The following PACRG variants were observed in gnomAD, a reference collection of about 807,000 sequenced individuals.
PACRG encodes the protein parkin coregulated gene protein.
In PACRG, 29 loss-of-function variants were observed where a neutral mutation model predicts 29.7. That is an observed-to-expected ratio of 0.98 (90% CI 0.73 to 1.33). The LOEUF (loss-of-function observed/expected upper bound fraction) is 1.33, where lower values mean the gene tolerates loss of function less well. Ranked by LOEUF, PACRG falls within the 40% of genes most tolerant of loss-of-function variation. The pLI is 0.00. For missense variants in PACRG, 279 were observed against 316.2 expected, an observed-to-expected ratio of 0.88 and a Z score of 0.89; for synonymous variants, 116 against 118.7, an observed-to-expected ratio of 0.98 and a Z score of 0.15.
intron 4 of PACRG, among the ~76,000 whole-genome samples, chr6:163,309,109 T>C (rs553787007): frequency 7.5e-4 from 115 of 152,356 alleles, no homozygotes; most frequent in South Asian, 2.7e-3. Flanking sequence ...AGGCGATTTC[T>C]GCAGTCGGCT....
At chr6:162,868,659 AG>A (rs1190609915) in intron 2 of PACRG, among the ~76,000 whole-genome samples, 3 of 152,080 alleles carry the variant, frequency 2.0e-5, no homozygotes, top group Admixed American at 6.5e-5. Flanking sequence ...GCCAGAGCAC[AG>A]CCTCCTTTCC....
intron 3 of PACRG, among the ~76,000 whole-genome samples, chr6:163,087,385 G>T (rs1813666999): frequency 6.6e-6 from 1 of 150,868 alleles, no homozygotes; most frequent in Non-Finnish European, 1.5e-5. Flanking sequence ...TGGAGACTGG[G>T]ACTGGAAGAG....
chr6:163,014,208 A>G (rs114059063), intron 2 of PACRG, among the ~76,000 whole-genome samples: 1 of 152,288 alleles, frequency 6.6e-6, no homozygotes, highest in African/African-American at 2.4e-5. Context: ...ATGGCTGCAA[A>G]GTAGTCTATG....
intron 4 of PACRG, among the ~76,000 whole-genome samples, chr6:163,292,467 T>C (rs1415371644): frequency 1.3e-5 from 2 of 152,256 alleles, no homozygotes; most frequent in Non-Finnish European, 2.9e-5. Flanking sequence ...AATGGCACGA[T>C]CTCGGCTCAC....
At chr6:162,888,342 C>T (rs1422751688) in intron 2 of PACRG, among the ~76,000 whole-genome samples, 1 of 152,134 alleles carries the variant, frequency 6.6e-6, no homozygotes, top group Non-Finnish European at 1.5e-5. Flanking sequence ...TGGTGCCAAC[C>T]TAAGACATGA....
intron 1 of PACRG, among the ~76,000 whole-genome samples, chr6:162,772,616 T>G (rs1783308301): frequency 6.6e-6 from 1 of 152,140 alleles, no homozygotes; most frequent in African/African-American, 2.4e-5. Context: ...CCCTGACCCA[T>G]GAATTCCAAG....
At chr6:163,174,275 T>C (rs1779237366) in intron 4 of PACRG, among the ~76,000 whole-genome samples, 1 of 152,198 alleles carries the variant, frequency 6.6e-6, no homozygotes, top group South Asian at 2.1e-4. Flanking sequence ...TGAATTTGTT[T>C]TGGGCCACAT....
chr6:163,179,124 T>A (rs1432314684), intron 4 of PACRG: 1 of 430,828 alleles, frequency 2.3e-6, no homozygotes, highest in African/African-American at 2.0e-5. Flanking sequence ...GGTTTCCTTT[T>A]TGGGCATGGA....
chr6:163,031,225 A>T (rs544325325), intron 2 of PACRG, among the ~76,000 whole-genome samples: 21 of 152,352 alleles, frequency 1.4e-4, no homozygotes, highest in African/African-American at 5.1e-4. Context: ...AATATATTCT[A>T]CAACAATAAA....
At chr6:163,273,237 T>G (rs576058159) in intron 4 of PACRG, among the ~76,000 whole-genome samples, 1 of 152,334 alleles carries the variant, frequency 6.6e-6, no homozygotes, top group South Asian at 2.1e-4. Flanking sequence ...TTGCTAATAT[T>G]CTGTTTAAGG....
chr6:162,843,384 T>C (rs541172972), intron 2 of PACRG, among the ~76,000 whole-genome samples: 186 of 151,092 alleles, frequency 1.2e-3, no homozygotes, highest in African/African-American at 4.4e-3. Flanking sequence ...TTCTAGTTGA[T>C]CGCATTGGCT....
chr6:162,893,944 C>T (rs1261480248), intron 2 of PACRG, among the ~76,000 whole-genome samples: 12 of 152,282 alleles, frequency 7.9e-5, no homozygotes, highest in East Asian at 1.9e-4. Context: ...CAATCAATCA[C>T]GAACTCAGTC....
intron 3 of PACRG, among the ~76,000 whole-genome samples, chr6:163,067,138 C>G (rs192371360): frequency 1.3e-5 from 2 of 152,132 alleles, no homozygotes; most frequent in South Asian, 2.1e-4. Flanking sequence ...AGCCTTCCTG[C>G]TGTAGCACCG....
chr6:163,000,712 C>A (rs1804513123), intron 2 of PACRG, among the ~76,000 whole-genome samples: 1 of 152,178 alleles, frequency 6.6e-6, no homozygotes, highest in African/African-American at 2.4e-5. Flanking sequence ...ATCGTCATTT[C>A]ATATCACAGT....
chr6:163,195,907 C>T (rs1282239015), intron 4 of PACRG, among the ~76,000 whole-genome samples: 1 of 152,206 alleles, frequency 6.6e-6, no homozygotes, highest in Non-Finnish European at 1.5e-5. Flanking sequence ...ATCTCTCTCA[C>T]TCATTCCTCC....
intron 4 of PACRG, among the ~76,000 whole-genome samples, chr6:163,199,919 A>T (rs965514458): frequency 6.6e-6 from 1 of 152,226 alleles, no homozygotes; most frequent in Admixed American, 6.5e-5. Flanking sequence ...TATTTGTATT[A>T]TATGTAACAT....
chr6:162,911,367 A>G (rs1796290489), intron 2 of PACRG, among the ~76,000 whole-genome samples: 1 of 152,218 alleles, frequency 6.6e-6, no homozygotes, highest in Non-Finnish European at 1.5e-5. Flanking sequence ...TCTTACTCAG[A>G]CTTTAGAAAC....
At chr6:162,820,648 A>T (rs904772974) in intron 2 of PACRG, among the ~76,000 whole-genome samples, 2 of 92,980 alleles carry the variant, frequency 2.2e-5, no homozygotes, top group South Asian at 3.1e-4. Context: ...TAAGGATTTT[A>T]AAAAAATAAT....
chr6:162,975,730 G>GA (rs1801891824), intron 2 of PACRG, among the ~76,000 whole-genome samples: 1 of 151,848 alleles, frequency 6.6e-6, no homozygotes, highest in Admixed American at 6.6e-5. Flanking sequence ...TCTGGTTTTA[G>GA]AAAAAAATTC....
Sources: gnomAD v4.1 joint callset for allele counts (sites outside exome capture counted in the v4.1 genomes callset) on GRCh38, gnomAD v4.1.1 for gene constraint, MANE v1.5 for transcripts, NCBI Gene and HGNC (gene_info 2026-07-23, HGNC 2026-07-21) for gene names.